ABCC9: variants seen among roughly 807,000 people sequenced by gnomAD.
The protein encoded by ABCC9 is ATP binding cassette subfamily C member 9.
In ABCC9, 95 loss-of-function variants were observed where a neutral mutation model predicts 188.3. The observed-to-expected ratio is 0.50, with a 90% CI of 0.43 to 0.60. The LOEUF (loss-of-function observed/expected upper bound fraction) is 0.60, where lower values mean the gene tolerates loss of function less well. Ranked by LOEUF, ABCC9 falls within the 20% of genes least tolerant of loss-of-function variation. ABCC9 has a pLI of 0.00. For missense variants in ABCC9, 1,102 were observed against 1,876.3 expected (o/e 0.59, Z 7.62); for synonymous variants, 659 against 652.7 (o/e 1.01, Z -0.15).
At chr12:21,843,551 T>G (rs1362716272) in intron 28 of ABCC9, among the ~76,000 whole-genome samples, 3 of 152,212 alleles carry the variant, frequency 2.0e-5, no homozygotes, top group African/African-American at 7.2e-5. Flanking sequence ...GAGTTTGTTT[T>G]TCACTATTTT....
At chr12:21,890,586 A>G (rs1947105361) in intron 14 of ABCC9, among the ~76,000 whole-genome samples, 1 of 152,184 alleles carries the variant, frequency 6.6e-6, no homozygotes, top group Non-Finnish European at 1.5e-5. Context: ...TCCAACAACA[A>G]TAGACTGGAT....
chr12:21,898,119 C>A (rs1947513693), intron 12 of ABCC9, among the ~76,000 whole-genome samples: 1 of 152,192 alleles, frequency 6.6e-6, no homozygotes, highest in African/African-American at 2.4e-5. Context: ...GTTTGCACTG[C>A]TGCACTCTGG....
intron 5 of ABCC9, among the ~76,000 whole-genome samples, chr12:21,921,406 T>A (rs1489560811): frequency 1.3e-5 from 2 of 152,084 alleles, no homozygotes; most frequent in African/African-American, 2.4e-5. Context: ...TGCCCCTTTT[T>A]TATTGGATTA....
At chr12:21,819,068 C>T (rs1036356779) in intron 31 of ABCC9, among the ~76,000 whole-genome samples, 1 of 152,086 alleles carries the variant, frequency 6.6e-6, no homozygotes, top group South Asian at 2.1e-4. Flanking sequence ...TCTTTAATAA[C>T]AGCCATAGAT....
rs1162072545 is a variant in ABCC9, at chr12:21,797,398, A to G, written c.*3646T>C. ...AAAAATAATCACCCTCTTTAAGCAA[A>G]TAAAAGAGTAATTTAATTATGTAAT... On this transcript the variant is annotated 3_prime_UTR_variant, in exon 40 of 40. Coordinates refer to ENST00000261200, the MANE Select transcript of ABCC9 (RefSeq NM_020297.4). 1 of 152,206 alleles carries G rather than the reference A, an allele frequency of 6.6e-6. No homozygotes were observed. The highest frequency in any genetic ancestry group is 1.5e-5 in the Non-Finnish European group (1 of 68,040). 9.4% of individuals were successfully genotyped at this position (152,206 alleles called of 1,614,324 possible).
intron 11 of ABCC9, 96 bp from the exon 12 acceptor site, chr12:21,906,384 T>A: frequency 7.7e-7 from 1 of 1,302,310 alleles, no homozygotes; most frequent in Non-Finnish European, 1.1e-6. Context: ...GACCTTGATT[T>A]CAGACTGGCC....
intron 21 of ABCC9, among the ~76,000 whole-genome samples, chr12:21,860,145 T>A (rs138339525): frequency 6.6e-6 from 1 of 152,218 alleles, no homozygotes; most frequent in East Asian, 1.9e-4. Flanking sequence ...CTTGTGCAAA[T>A]GGCTTTACAT....
At chr12:21,900,379 T>G (rs1293257903) in intron 12 of ABCC9, among the ~76,000 whole-genome samples, 1 of 151,948 alleles carries the variant, frequency 6.6e-6, no homozygotes, top group Non-Finnish European at 1.5e-5. Context: ...GCAGAAAAAC[T>G]GAAAATTCTA....
chr12:21,822,601 C>T (rs1943108980), intron 31 of ABCC9, among the ~76,000 whole-genome samples: 1 of 151,542 alleles, frequency 6.6e-6, no homozygotes, highest in Non-Finnish European at 1.5e-5. Context: ...AGATCGAGAC[C>T]ATCCTGGCTA....
At chr12:21,898,174 T>C (rs768965735) in intron 12 of ABCC9, among the ~76,000 whole-genome samples, 1 of 152,130 alleles carries the variant, frequency 6.6e-6, no homozygotes, top group Non-Finnish European at 1.5e-5. Flanking sequence ...TATATAAAAA[T>C]AAATAATAGA....
intron 15 of ABCC9, among the ~76,000 whole-genome samples, chr12:21,885,693 C>T (rs748300678): frequency 1.6e-4 from 24 of 152,116 alleles, no homozygotes; most frequent in Admixed American, 1.0e-3. Flanking sequence ...CATTTTGAGG[C>T]GTTGTTCCTC....
chr12:21,829,191 C>CTTTTTTTTTTTTTT (rs11430045), intron 30 of ABCC9, 131 bp from the exon 31 acceptor site: 2 of 230,692 alleles, frequency 8.7e-6, no homozygotes, highest in Non-Finnish European at 7.9e-6. Flanking sequence ...AAATAGATTT[C>CTTTTTTTTTTTTTT]TTTTTTTTTT....
intron 34 of ABCC9, among the ~76,000 whole-genome samples, 166 bp from the exon 35 acceptor site, chr12:21,814,888 C>A (rs1284186907): frequency 6.6e-6 from 1 of 152,004 alleles, no homozygotes; most frequent in African/African-American, 2.4e-5. Flanking sequence ...GAATTATTCT[C>A]AAGATAAAAA....
chr12:21,899,793 A>G (rs1565461879), intron 12 of ABCC9, among the ~76,000 whole-genome samples: 1 of 152,200 alleles, frequency 6.6e-6, no homozygotes, highest in Non-Finnish European at 1.5e-5. Flanking sequence ...AGGCTTGAGT[A>G]GGTAAACAGA....
chr12:21,925,390 G>A (rs973389137), intron 5 of ABCC9: 20 of 603,762 alleles, frequency 3.3e-5, no homozygotes, highest in East Asian at 5.8e-5. Flanking sequence ...GCGAAAGGCC[G>A]TGATGTAATG....
At chr12:21,895,607 A>G (rs1261780788) in intron 12 of ABCC9, among the ~76,000 whole-genome samples, 1 of 152,218 alleles carries the variant, frequency 6.6e-6, no homozygotes. Context: ...AATGATAAAA[A>G]TTATTAGAAT....
chr12:21,923,562 A>G (rs74693025), intron 5 of ABCC9: 4,364 of 365,222 alleles, frequency 0.012, 153 homozygotes, highest in African/African-American at 0.083. Flanking sequence ...AGATAAATGC[A>G]AATTAAAACC....
chr12:21,925,982 A>G lies in ABCC9; in HGVS notation c.366T>C (p.Tyr122=), dbSNP rs886049174. The G allele has an allele frequency of 1.9e-6, 3 of 1,613,422 alleles. No individual in the cohort carries two copies. The highest frequency in any genetic ancestry group is 2.5e-6 in the Non-Finnish European group (3 of 1,179,306). Residue 122 remains tyrosine, a synonymous_variant, in exon 5 of 40, where the codon TAT becomes TAC. Transcript: ENST00000261200. ...FVATTTSIVY[Y]HNIETSNFPK... is the part of the protein sequence containing the mutation. ...GAAAATTTGATGTTTCGATATTATG[A>G]TAATACACTATCGATGTTGTAGTGG...
rs188955057 is a variant in ABCC9, at chr12:21,832,682, A to T, written c.3567-3622T>A. Among the ~76,000 whole-genome samples, 337 of 152,316 alleles carry T rather than the reference A, an allele frequency of 2.2e-3. 1 individual carries two copies. The highest frequency in any genetic ancestry group is 7.6e-3 in the African/African-American group (315 of 41,578). On this transcript the variant is annotated intron_variant, in intron 30 of 39. Coordinates refer to ENST00000261200, the MANE Select transcript of ABCC9 (RefSeq NM_020297.4). ...CATTTACACTGCTAGTGGCAATGTA[A>T]ACCAGTGCAATCACTATGGAAGACA...
Sources: gnomAD v4.1 joint callset for allele counts (sites outside exome capture counted in the v4.1 genomes callset) on GRCh38, gnomAD v4.1.1 for gene constraint, MANE v1.5 for transcripts, NCBI Gene and HGNC (gene_info 2026-07-23, HGNC 2026-07-21) for gene names.